Variants in BTG4 observed in about 807,000 individuals in gnomAD.
BTG4 encodes BTG anti-proliferation factor 4, also known as protein BTG4.
A neutral mutation model predicts 19.3 loss-of-function variants in BTG4; 10 were observed. That is an observed-to-expected ratio of 0.52 (90% CI 0.32 to 0.88). The LOEUF (loss-of-function observed/expected upper bound fraction) is 0.88, where lower values mean the gene tolerates loss of function less well. Ranked by LOEUF, BTG4 falls within the 40% of genes least tolerant of loss-of-function variation. BTG4 has a pLI of 0.04. For missense variants in BTG4, 238 were observed against 281.9 expected, an observed-to-expected ratio of 0.84 and a Z score of 1.11; for synonymous variants, 91 against 95.7, an observed-to-expected ratio of 0.95 and a Z score of 0.29.
At chr11:111,411,219 G>C in the BTG4 span, among the ~76,000 whole-genome samples, 1 of 152,018 alleles carries the variant, frequency 6.6e-6, no homozygotes. Flanking sequence ...TAATGATCTG[G>C]CATCCTCCTG....
chr11:111,431,734 G>A, the BTG4 span, among the ~76,000 whole-genome samples: 1 of 152,200 alleles, frequency 6.6e-6, no homozygotes, highest in African/African-American at 2.4e-5. Context: ...CCAGAGTGGA[G>A]GACAAGCATG....
At chr11:111,513,689 TTTTG>T (rs1372954208), upstream of BTG4, among the ~76,000 whole-genome samples, 1 of 152,076 alleles carries the variant, frequency 6.6e-6, no homozygotes, top group Non-Finnish European at 1.5e-5. Flanking sequence ...TGGGGTTTTG[TTTTG>T]TTTTTTTTTC....
At chr11:111,453,367 A>G in the BTG4 span, 1 of 424,852 alleles carries the variant, frequency 2.4e-6, no homozygotes. Flanking sequence ...CTGCTCCCTC[A>G]GCTCGCCCTT....
intron 1 of BTG4, among the ~76,000 whole-genome samples, chr11:111,510,924 G>A (rs1158943378): frequency 6.6e-6 from 1 of 152,184 alleles, no homozygotes; most frequent in Non-Finnish European, 1.5e-5. Flanking sequence ...TTGGGAAGAA[G>A]TGTTCGATAT....
chr11:111,404,994 C>T, the BTG4 span, among the ~76,000 whole-genome samples: 1 of 152,318 alleles, frequency 6.6e-6, no homozygotes, highest in Non-Finnish European at 1.5e-5. Context: ...CATCATCCCC[C>T]ACATCCCAGC....
At chr11:111,446,019 G>A in the BTG4 span, among the ~76,000 whole-genome samples, 1 of 152,160 alleles carries the variant, frequency 6.6e-6, no homozygotes, top group Non-Finnish European at 1.5e-5. Flanking sequence ...GAAGTGCAGA[G>A]AGCTAATGGC....
the BTG4 span, among the ~76,000 whole-genome samples, chr11:111,447,437 C>T: frequency 6.6e-6 from 1 of 152,208 alleles, no homozygotes; most frequent in Non-Finnish European, 1.5e-5. Flanking sequence ...AGGCAGAAGC[C>T]TCGGGTTTTA....
chr11:111,466,669 G>A (rs1351761424), downstream of BTG4: 1 of 152,608 alleles, frequency 6.6e-6, no homozygotes, highest in African/African-American at 2.4e-5. Context: ...ATTGAGTTGT[G>A]TTGTTAACAT....
At chr11:111,394,886 T>C in the BTG4 span, among the ~76,000 whole-genome samples, 2 of 152,222 alleles carry the variant, frequency 1.3e-5, no homozygotes, top group African/African-American at 2.4e-5. Flanking sequence ...AAGCCTGAGA[T>C]GCTCATAAAA....
chr11:111,451,725 C>T, the BTG4 span, among the ~76,000 whole-genome samples: 1 of 152,128 alleles, frequency 6.6e-6, no homozygotes, highest in Non-Finnish European at 1.5e-5. Context: ...GATCGTGCCA[C>T]TGCACTCCAG....
intron 5 of BTG4, chr11:111,475,396 G>A (rs1030472362): frequency 2.0e-5 from 3 of 152,050 alleles, no homozygotes; most frequent in Admixed American, 2.0e-4. Context: ...TTCTGGGAAT[G>A]TAAAACTTGT....
At chr11:111,441,774 T>C in the BTG4 span, among the ~76,000 whole-genome samples, 190 of 152,094 alleles carry the variant, frequency 1.2e-3, no homozygotes, top group African/African-American at 4.3e-3. Context: ...GCAAAGCGAG[T>C]TGGGCCGGGC....
the BTG4 span, among the ~76,000 whole-genome samples, chr11:111,440,665 T>C: frequency 6.6e-6 from 1 of 152,224 alleles, no homozygotes; most frequent in Non-Finnish European, 1.5e-5. Flanking sequence ...TTTTCAGATT[T>C]TTGTTCACAG....
the BTG4 span, among the ~76,000 whole-genome samples, chr11:111,387,972 TC>T: frequency 3.3e-5 from 5 of 152,126 alleles, no homozygotes; most frequent in Non-Finnish European, 7.3e-5. Flanking sequence ...ACATTATTTT[TC>T]CCCACTTCCC....
At chr11:111,444,329 G>A in the BTG4 span, among the ~76,000 whole-genome samples, 1 of 151,486 alleles carries the variant, frequency 6.6e-6, no homozygotes, top group South Asian at 2.1e-4. Context: ...AGACATAGGA[G>A]AGAAAGGAAA....
chr11:111,504,998 T>A (rs1006478084), intron 1 of BTG4, among the ~76,000 whole-genome samples: 3 of 152,028 alleles, frequency 2.0e-5, no homozygotes, highest in Admixed American at 2.0e-4. Context: ...AAACATTCCA[T>A]GCTATGAATT....
chr11:111,421,848 G>T, the BTG4 span, among the ~76,000 whole-genome samples: 1 of 152,178 alleles, frequency 6.6e-6, no homozygotes, highest in African/African-American at 2.4e-5. Context: ...GGGCAGCAGA[G>T]GTTGCAGTGA....
chr11:111,466,300 T>C (rs1298252426), downstream of BTG4, among the ~76,000 whole-genome samples: 2 of 152,148 alleles, frequency 1.3e-5, no homozygotes, highest in Non-Finnish European at 2.9e-5. Context: ...ATTAAAAAAA[T>C]AGAAATTTTA....
At chr11:111,475,175 GA>G (rs1216964094) in intron 5 of BTG4, 1 of 152,520 alleles carries the variant, frequency 6.6e-6, no homozygotes, top group African/African-American at 2.4e-5. Flanking sequence ...AACATCTGAT[GA>G]AGCTGATAAG....
Sources: gnomAD v4.1 joint callset for allele counts (sites outside exome capture counted in the v4.1 genomes callset) on GRCh38, gnomAD v4.1.1 for gene constraint, MANE v1.5 for transcripts, NCBI Gene and HGNC (gene_info 2026-07-23, HGNC 2026-07-21) for gene names.